The following DNAAF10 variants were observed in gnomAD, a reference collection of about 807,000 sequenced individuals.
The protein encoded by DNAAF10 is dynein axonemal assembly factor 10.
DNAAF10 carries 28 observed loss-of-function variants against 43.7 expected under a neutral mutation model. The observed-to-expected ratio is 0.64, with a 90% CI of 0.48 to 0.88. The LOEUF (loss-of-function observed/expected upper bound fraction) is 0.88. Among genes scored for constraint, DNAAF10 ranks in the 40% least tolerant of loss-of-function variants. The pLI is 0.00. For synonymous variants in DNAAF10, 156 were observed against 157.3 expected (o/e 0.99, Z 0.06); for missense variants, 403 against 439.1 (o/e 0.92, Z 0.73).
intron 6 of DNAAF10, among the ~76,000 whole-genome samples, chr2:68,135,312 A>G (rs1482646689): frequency 1.3e-5 from 2 of 152,234 alleles, no homozygotes; most frequent in Non-Finnish European, 2.9e-5. Context: ...AACAGCTCCC[A>G]GAGCCTTATT....
chr2:68,145,052 A>G (rs1465247652), intron 2 of DNAAF10, among the ~76,000 whole-genome samples: 3 of 152,028 alleles, frequency 2.0e-5, no homozygotes, highest in African/African-American at 7.2e-5. Context: ...CCCAAACATA[A>G]TGAATCAGGA....
chr2:68,131,218 T>C lies in DNAAF10; in HGVS notation c.*20A>G, dbSNP rs1275414102. 1.2e-6 allele frequency: 2 copies of C among 1,613,356 alleles called. No individual in the cohort carries two copies. Among genetic ancestry groups the C allele is most frequent in the Non-Finnish European group, 1.7e-6 (2 of 1,179,628 alleles). ...CAGGAGTGAGCCACCGTGCCCAGCCTCAAGTCCAAAGTCTTGAAGTCAAAT... is the reference window on the plus strand; with the variant it reads ...CAGGAGTGAGCCACCGTGCCCAGCCCCAAGTCCAAAGTCTTGAAGTCAAAT... On this transcript the variant is annotated 3_prime_UTR_variant, in exon 8 of 8. Coordinates refer to ENST00000295121, the MANE Select transcript of DNAAF10 (RefSeq NM_138458.4).
In DNAAF10 at chr2:68,147,564, C is replaced by T; in HGVS notation, c.187G>A (p.Glu63Lys). 1.9e-6 allele frequency: 3 copies of T among 1,607,430 alleles called. No homozygotes were observed. The highest frequency in any genetic ancestry group is 2.5e-6 in the Non-Finnish European group (3 of 1,176,794). Residue 63 changes from glutamate to lysine, a missense_variant, in exon 2 of 8, where the codon GAA (glutamate) becomes AAA (lysine). Coordinates refer to ENST00000295121, the MANE Select transcript of DNAAF10 (RefSeq NM_138458.4). Reference protein sequence around the residue: ...HGDLKLLREIEKAKPIKCGTF... With the variant: ...HGDLKLLREIKKAKPIKCGTF... ...CCACATTTAATAGGTTTGGCCTTTT[C>T]AATCTTCATAGAAGGGAGGAAGAGA...
intron 1 of DNAAF10, among the ~76,000 whole-genome samples, chr2:68,154,435 AC>A (rs1673537350): frequency 1.3e-5 from 2 of 151,290 alleles, no homozygotes; most frequent in Middle Eastern, 3.4e-3. Context: ...TTTAGTAGAG[AC>A]GGGGTTTCAC....
chr2:68,140,912 T>C (rs1239534488), intron 4 of DNAAF10, among the ~76,000 whole-genome samples: 3 of 152,226 alleles, frequency 2.0e-5, no homozygotes, highest in Admixed American at 2.0e-4. Flanking sequence ...CAACAATGAC[T>C]GACACAGCAT....
chr2:68,135,704 TAA>T (rs1673026290), intron 6 of DNAAF10, among the ~76,000 whole-genome samples: 1 of 152,238 alleles, frequency 6.6e-6, no homozygotes, highest in South Asian at 2.1e-4. Context: ...CATTAGCAGA[TAA>T]AGACTCATAT....
chr2:68,144,651 T>G lies in DNAAF10; in HGVS notation c.349A>C (p.Ile117Leu). 1.9e-6 allele frequency: 3 copies of G among 1,614,102 alleles called. No individual in the cohort carries two copies. The highest frequency in any genetic ancestry group is 2.5e-6 in the Non-Finnish European group (3 of 1,180,016). The change falls in exon 3 of 8, where the codon ATA becomes CTA. Residue 117 changes from isoleucine (I) to leucine (L), a missense_variant. Physicochemically the swap from Ile to Leu is conservative, Grantham distance 5. Coordinates refer to ENST00000295121, the MANE Select transcript of DNAAF10 (RefSeq NM_138458.4). The stretch of plus-strand genomic sequence containing the variant: ...ATTCCTAGTCCACCTATGCCATCTA[T>G]GGCATTTATAATTTCTTTATGGCCC... ...VKGHKEIINAIDGIGGLGIGE... is the reference protein window; with the variant it reads ...VKGHKEIINALDGIGGLGIGE...
In DNAAF10 at chr2:68,144,660, T is replaced by A; in HGVS notation, c.340A>T (p.Ile114Leu). 3 of 1,614,070 alleles carry A rather than the reference T, an allele frequency of 1.9e-6. No individual in the cohort carries two copies. The highest frequency in any genetic ancestry group is 2.5e-6 in the Non-Finnish European group (3 of 1,180,010). The change falls in exon 3 of 8, where the codon ATA becomes TTA. Residue 114 changes from isoleucine (I) to leucine (L), a missense_variant. Coordinates refer to ENST00000295121, the MANE Select transcript of DNAAF10 (RefSeq NM_138458.4). The stretch of plus-strand genomic sequence containing the variant: ...CCACCTATGCCATCTATGGCATTTA[T>A]AATTTCTTTATGGCCCTTTACAGAA... ...VYSVKGHKEI[I>L]NAIDGIGGLG...
At chr2:68,143,481 T>C (rs963117677) in intron 3 of DNAAF10, among the ~76,000 whole-genome samples, 2 of 152,100 alleles carry the variant, frequency 1.3e-5, no homozygotes, top group African/African-American at 4.8e-5. Flanking sequence ...CCTGGCCCAA[T>C]AAATTTTTTA....
intron 6 of DNAAF10, among the ~76,000 whole-genome samples, chr2:68,135,771 G>A (rs1358441744): frequency 6.6e-6 from 1 of 152,194 alleles, no homozygotes; most frequent in African/African-American, 2.4e-5. Flanking sequence ...GGTTCAAGCT[G>A]TCGAAACATT....
At chr2:68,154,622 T>G (rs887140018) in intron 1 of DNAAF10, among the ~76,000 whole-genome samples, 1 of 152,244 alleles carries the variant, frequency 6.6e-6, no homozygotes, top group Non-Finnish European at 1.5e-5. Flanking sequence ...TTTCTAAATG[T>G]TCTATCGTGG....
chr2:68,156,756 C>T (rs1236351426), intron 1 of DNAAF10, among the ~76,000 whole-genome samples: 1 of 152,194 alleles, frequency 6.6e-6, no homozygotes, highest in Non-Finnish European at 1.5e-5. Context: ...CTGCACATAC[C>T]AAAATCTGTT....
intron 6 of DNAAF10, 40 bp from the exon 7 acceptor site, chr2:68,134,839 A>C: frequency 6.2e-7 from 1 of 1,607,104 alleles, no homozygotes; most frequent in East Asian, 2.2e-5. Flanking sequence ...TTATATGCTA[A>C]ATGGTGCCCT....
At chr2:68,144,224 G>C (rs7596293) in intron 3 of DNAAF10, among the ~76,000 whole-genome samples, 6,203 of 152,100 alleles carry the variant, frequency 0.041, 360 homozygotes, top group African/African-American at 0.13. Flanking sequence ...TACTAATTCT[G>C]CCTTTTAAAA....
intron 7 of DNAAF10, among the ~76,000 whole-genome samples, chr2:68,132,280 C>T (rs771375249): frequency 2.0e-5 from 3 of 151,982 alleles, no homozygotes; most frequent in African/African-American, 4.8e-5. Flanking sequence ...AGGCCAAGAA[C>T]GTAAGAAGCA....
intron 1 of DNAAF10, 113 bp downstream of exon 1, chr2:68,157,148 G>A: frequency 1.4e-6 from 2 of 1,409,256 alleles, no homozygotes; most frequent in Non-Finnish European, 1.9e-6. Context: ...GTCTCGCGCG[G>A]CTCAAGCCAT....
At chr2:68,132,765 C>T (rs4078978) in intron 7 of DNAAF10, among the ~76,000 whole-genome samples, 10,216 of 152,270 alleles carry the variant, frequency 0.067, 398 homozygotes, top group Middle Eastern at 0.19. Context: ...CAATACTTGA[C>T]AGTAAAACTC....
Position 68,138,785 on chromosome 2 carries a change from A to G in DNAAF10, c.590T>C (p.Leu197Pro). Reference protein sequence around the residue: ...YDNGDIKLFDLRNMALRWETN... With the variant: ...YDNGDIKLFDPRNMALRWETN... The stretch of plus-strand genomic sequence containing the variant: ...CTCCCACCGTAATGCCATATTTCTG[A>G]GATCAAATAGTTTGATATCCCCATT... Residue 197 changes from leucine to proline, a missense_variant, in exon 5 of 8, where the codon CTC (leucine) becomes CCC (proline). Leu to Pro is a moderately conservative substitution (Grantham distance 98, BLOSUM62 -3). Transcript: ENST00000295121. 6.2e-7 allele frequency: 1 copy of G among 1,614,144 alleles called. No individual in the cohort carries two copies. The highest frequency in any genetic ancestry group is 8.5e-7 in the Non-Finnish European group (1 of 1,180,000).
chr2:68,150,232 C>G (rs1476089352), intron 1 of DNAAF10, among the ~76,000 whole-genome samples: 1 of 152,130 alleles, frequency 6.6e-6, no homozygotes, highest in Non-Finnish European at 1.5e-5. Context: ...TTCTTTTACC[C>G]AACTTTCACT....
Sources: allele counts gnomAD v4.1 joint callset (sites outside exome capture counted in the v4.1 genomes callset), GRCh38; gene constraint gnomAD v4.1.1; transcripts MANE v1.5; gene names NCBI Gene and HGNC (gene_info 2026-07-23, HGNC 2026-07-21).